The following ST6GALNAC3 variants were observed in gnomAD, a reference collection of about 807,000 sequenced individuals.
The protein encoded by ST6GALNAC3 is alpha-N-acetylgalactosaminide alpha-2,6-sialyltransferase 3.
Under a neutral mutation model 32.7 loss-of-function variants are expected in ST6GALNAC3, and 25 were observed. That is an observed-to-expected ratio of 0.76 (90% CI 0.56 to 1.07). The LOEUF (loss-of-function observed/expected upper bound fraction) is 1.07. ST6GALNAC3 is among the 50% of genes least tolerant of loss of function. The pLI is 0.00. For synonymous variants in ST6GALNAC3, 129 were observed against 133.1 expected (o/e 0.97, Z 0.21); for missense variants, 355 against 382.4 (o/e 0.93, Z 0.60).
At chr1:76,535,815 T>C (rs77280519) in intron 3 of ST6GALNAC3, among the ~76,000 whole-genome samples, 1 of 103,126 alleles carries the variant, frequency 9.7e-6, no homozygotes, top group East Asian at 2.0e-4. Context: ...TATAAGGCTA[T>C]TTTTTTTTTC....
intron 1 of ST6GALNAC3, among the ~76,000 whole-genome samples, chr1:76,308,856 TG>T (rs1661228268): frequency 6.6e-6 from 1 of 152,202 alleles, no homozygotes; most frequent in African/African-American, 2.4e-5. Flanking sequence ...GACAGTTGAT[TG>T]CATCCAACTT....
At chr1:76,149,406 T>TCTGTAAGCAGAC (rs1650899134) in intron 1 of ST6GALNAC3, among the ~76,000 whole-genome samples, 1 of 152,206 alleles carries the variant, frequency 6.6e-6, no homozygotes, top group African/African-American at 2.4e-5. Flanking sequence ...CCCCCATTAA[T>TCTGTAAGCAGAC]CTGTAAGCAG....
At chr1:76,538,346 A>AC (rs1214475489) in intron 3 of ST6GALNAC3, among the ~76,000 whole-genome samples, 13 of 152,178 alleles carry the variant, frequency 8.5e-5, no homozygotes, top group African/African-American at 3.1e-4. Flanking sequence ...CTCTCAATAA[A>AC]CTAGGTATTG....
chr1:76,553,463 G>A (rs779615346), intron 3 of ST6GALNAC3, among the ~76,000 whole-genome samples: 7 of 152,136 alleles, frequency 4.6e-5, no homozygotes, highest in Non-Finnish European at 8.8e-5. Context: ...TGCTGAGGAG[G>A]TTAATCAGGC....
intron 1 of ST6GALNAC3, among the ~76,000 whole-genome samples, chr1:76,111,871 T>C (rs1458765874): frequency 6.6e-6 from 1 of 152,144 alleles, no homozygotes; most frequent in Admixed American, 6.5e-5. Context: ...ATCTGATTTC[T>C]CAATCTTTTC....
intron 3 of ST6GALNAC3, among the ~76,000 whole-genome samples, chr1:76,427,472 C>T (rs1655470850): frequency 6.6e-6 from 1 of 152,008 alleles, no homozygotes; most frequent in South Asian, 2.1e-4. Flanking sequence ...CCTGGAGAAC[C>T]AGTGACCCAA....
intron 3 of ST6GALNAC3, among the ~76,000 whole-genome samples, chr1:76,563,956 G>A (rs1262226387): frequency 6.6e-6 from 1 of 152,142 alleles, no homozygotes; most frequent in Non-Finnish European, 1.5e-5. Context: ...GATCCATTAA[G>A]CATCCCAAGT....
intron 1 of ST6GALNAC3, among the ~76,000 whole-genome samples, chr1:76,220,076 TATTA>T (rs1010441634): frequency 1.3e-5 from 2 of 152,220 alleles, no homozygotes; most frequent in African/African-American, 4.8e-5. Context: ...ACTTATTCCC[TATTA>T]ATTGTCTTTT....
At chr1:76,086,881 A>G (rs1051836666) in intron 1 of ST6GALNAC3, among the ~76,000 whole-genome samples, 1 of 152,022 alleles carries the variant, frequency 6.6e-6, no homozygotes, top group African/African-American at 2.4e-5. Context: ...TTGTTCTTTT[A>G]TTGCTGACCT....
chr1:76,240,408 T>C (rs1195743920), intron 1 of ST6GALNAC3, among the ~76,000 whole-genome samples: 1 of 152,244 alleles, frequency 6.6e-6, no homozygotes, highest in Non-Finnish European at 1.5e-5. Context: ...AACTGCTAAC[T>C]GTCCAGCCAA....
chr1:76,507,629 T>A (rs1661561378), intron 3 of ST6GALNAC3, among the ~76,000 whole-genome samples: 1 of 152,256 alleles, frequency 6.6e-6, no homozygotes, highest in Non-Finnish European at 1.5e-5. Context: ...GGCTAAGTTA[T>A]ACTCTGTCAT....
At chr1:76,365,137 G>A (rs1422682954) in intron 2 of ST6GALNAC3, among the ~76,000 whole-genome samples, 1 of 152,146 alleles carries the variant, frequency 6.6e-6, no homozygotes, top group African/African-American at 2.4e-5. Flanking sequence ...GGAATACTAC[G>A]CAGCCATAGA....
chr1:76,283,536 A>G (rs1447016301), intron 1 of ST6GALNAC3, among the ~76,000 whole-genome samples: 2 of 152,174 alleles, frequency 1.3e-5, no homozygotes, highest in Non-Finnish European at 2.9e-5. Context: ...ATCACTTGGA[A>G]ACAAGGAATA....
intron 3 of ST6GALNAC3, among the ~76,000 whole-genome samples, chr1:76,446,174 G>A (rs1266685342): frequency 6.6e-6 from 1 of 151,974 alleles, no homozygotes; most frequent in East Asian, 1.9e-4. Context: ...TTCTAAATAA[G>A]CTTCTTTTTT....
intron 1 of ST6GALNAC3, among the ~76,000 whole-genome samples, chr1:76,169,178 G>T (rs1442740361): frequency 6.6e-6 from 1 of 152,076 alleles, no homozygotes; most frequent in African/African-American, 2.4e-5. Context: ...TTGCTTGTTT[G>T]TAAAAGATTA....
intron 3 of ST6GALNAC3, among the ~76,000 whole-genome samples, chr1:76,529,220 A>G (rs1482323003): frequency 2.6e-5 from 4 of 152,124 alleles, no homozygotes; most frequent in Non-Finnish European, 5.9e-5. Context: ...TTCACTGCCC[A>G]CAAGTCTCTG....
At chr1:76,525,793 A>ATATATATATATATATACG in intron 3 of ST6GALNAC3, among the ~76,000 whole-genome samples, 1 of 21,746 alleles carries the variant, frequency 4.6e-5, no homozygotes, top group South Asian at 1.5e-3. Flanking sequence ...GTGTGTGTGT[A>ATATATATATATATATACG]TATATATATA....
Position 76,412,026 on chromosome 1 carries a change from G to C in ST6GALNAC3, c.232G>C (p.Asp78His). 6.2e-7 allele frequency: 1 copy of C among 1,613,226 alleles called. No homozygotes were observed. The highest frequency in any genetic ancestry group is 8.5e-7 in the Non-Finnish European group (1 of 1,179,528). ...TTTTCAGCCTTTGCAACTGGACTGT[G>C]ACCTTTGTGCCATAGTGTCAAACTC... ...KTQEPLQLDC[D>H]LCAIVSNSGQ... Residue 78 changes from aspartate (D) to histidine (H), a missense_variant, in exon 3 of 5, where the codon GAC becomes CAC. Transcript: ENST00000328299.
intron 3 of ST6GALNAC3, among the ~76,000 whole-genome samples, chr1:76,484,605 G>A (rs1659971196): frequency 6.6e-6 from 1 of 152,184 alleles, no homozygotes; most frequent in Admixed American, 6.5e-5. Flanking sequence ...TTTCTTATCA[G>A]CTTAAGGAGA....
Sources: gnomAD v4.1 joint callset for allele counts (sites outside exome capture counted in the v4.1 genomes callset) on GRCh38, gnomAD v4.1.1 for gene constraint, MANE v1.5 for transcripts, NCBI Gene and HGNC (gene_info 2026-07-23, HGNC 2026-07-21) for gene names.